Variants in CSNK2A1 observed in about 807,000 individuals in gnomAD.
CSNK2A1 encodes casein kinase 2 alpha 1.
CSNK2A1 carries 10 observed loss-of-function variants against 62.9 expected under a neutral mutation model. That is an observed-to-expected ratio of 0.16 (90% CI 0.10 to 0.27). The LOEUF is 0.27. CSNK2A1 is among the 10% of genes least tolerant of loss of function. CSNK2A1 has a pLI of 1.00. For synonymous variants in CSNK2A1, 124 were observed against 167.8 expected (o/e 0.74, Z 2.02); for missense variants, 160 against 492.0 (o/e 0.33, Z 6.38).
rs2017964595 is a variant in CSNK2A1, at chr20:482,002, C to T, written c.*1959G>A. ...GTCAGAATGTTTTCCCTTCAGCTCT[C>T]CCTACCGTTGAGAAGCGCTATAAAA... is the stretch of plus-strand genomic sequence containing the variant. On this transcript the variant is annotated 3_prime_UTR_variant, in exon 14 of 14. Transcript: ENST00000217244. 6.6e-6 allele frequency: 1 copy of T among 152,164 alleles called. No homozygotes were observed. Among genetic ancestry groups the T allele is most frequent in the Non-Finnish European group, 1.5e-5 (1 of 68,038 alleles). 9.4% of individuals were successfully genotyped at this position (152,164 alleles called of 1,614,324 possible).
At chr20:487,355 G>A (rs1014266028) in intron 12 of CSNK2A1, 72 bp downstream of exon 12, 7 of 1,590,736 alleles carry the variant, frequency 4.4e-6, no homozygotes, top group African/African-American at 1.3e-5. Flanking sequence ...GCTGACAGGA[G>A]CTGGGATTAC....
intron 2 of CSNK2A1, among the ~76,000 whole-genome samples, chr20:520,130 TAAG>T (rs1286479559): frequency 2.0e-5 from 3 of 151,970 alleles, no homozygotes; most frequent in Admixed American, 6.6e-5. Context: ...ATCTAGAACA[TAAG>T]AAGCATAGGG....
intron 2 of CSNK2A1, among the ~76,000 whole-genome samples, chr20:512,279 G>C (rs971210206): frequency 1.3e-5 from 2 of 149,756 alleles, no homozygotes; most frequent in African/African-American, 4.9e-5. Context: ...ATTTTAATTT[G>C]CATTTCCCTA....
intron 2 of CSNK2A1, among the ~76,000 whole-genome samples, chr20:523,692 C>T (rs939318999): frequency 6.6e-6 from 1 of 151,392 alleles, no homozygotes; most frequent in Non-Finnish European, 1.5e-5. Context: ...GAGATCGAGA[C>T]CATCCTGGCT....
At chr20:541,363 A>C (rs747079954) in intron 1 of CSNK2A1, among the ~76,000 whole-genome samples, 1 of 152,216 alleles carries the variant, frequency 6.6e-6, no homozygotes, top group Non-Finnish European at 1.5e-5. Flanking sequence ...AGGGAGATGT[A>C]ATTCTGCCTA....
chr20:517,135 A>G (rs115398303), intron 2 of CSNK2A1, among the ~76,000 whole-genome samples: 1,704 of 152,372 alleles, frequency 0.011, 33 homozygotes, highest in African/African-American at 0.039. Context: ...GAGACCTTAA[A>G]TATGTATACT....
At chr20:529,221 T>C (rs1274732236) in intron 1 of CSNK2A1, among the ~76,000 whole-genome samples, 1 of 149,798 alleles carries the variant, frequency 6.7e-6, no homozygotes, top group Non-Finnish European at 1.5e-5. Context: ...AGAAGGTTTC[T>C]CACTATGTTG....
At chr20:535,615 G>A (rs1471170724) in intron 1 of CSNK2A1, among the ~76,000 whole-genome samples, 1 of 152,058 alleles carries the variant, frequency 6.6e-6, no homozygotes, top group Non-Finnish European at 1.5e-5. Flanking sequence ...AATTAGCCCG[G>A]TGGGGTGGCA....
intron 6 of CSNK2A1, chr20:498,854 C>T (rs1306790345): frequency 3.3e-5 from 5 of 152,636 alleles, no homozygotes; most frequent in African/African-American, 1.2e-4. Context: ...CTATAGCCCA[C>T]AGTTTATGAG....
chr20:528,303 C>A (rs1033594721), intron 1 of CSNK2A1, among the ~76,000 whole-genome samples: 2 of 152,194 alleles, frequency 1.3e-5, no homozygotes, highest in African/African-American at 2.4e-5. Context: ...GATCAATAAC[C>A]AACAGCTAAT....
intron 8 of CSNK2A1, among the ~76,000 whole-genome samples, chr20:493,699 T>C (rs1485978700): frequency 6.6e-6 from 1 of 152,230 alleles, no homozygotes; most frequent in Non-Finnish European, 1.5e-5. Context: ...TGCAATTTCA[T>C]CACATATGTA....
chr20:531,235 T>G (rs950271452), intron 1 of CSNK2A1, among the ~76,000 whole-genome samples: 2 of 152,202 alleles, frequency 1.3e-5, no homozygotes, highest in Non-Finnish European at 2.9e-5. Context: ...GGTAGGTCTG[T>G]CTGTCTGGTA....
chr20:481,791 T>C lies in CSNK2A1; in HGVS notation c.*2170A>G, dbSNP rs1382654247. 1 of 152,180 alleles carries C rather than the reference T, an allele frequency of 6.6e-6. No homozygotes were observed. Among genetic ancestry groups the C allele is most frequent in the African/African-American group, 2.4e-5 (1 of 41,446 alleles). The allele number at this position is 152,180 out of a possible 1,614,324, so 9.4% of individuals were successfully genotyped here. On this transcript the variant is annotated 3_prime_UTR_variant, in exon 14 of 14. Transcript: ENST00000217244. ...AAAGAAAGAACTCATTAGTTATAAG[T>C]GTCCTGTTCAAATCACAATCCAGTG...
rs1197678638 is a variant in CSNK2A1 at position 527,001 on chromosome 20, C to CAGACAGACAGAGAG, written c.-110+931_-110+932insCTCTCTGTCTGTCT. ...AGAGAGAGAAAGAGAGAGAGACAGA[C>CAGACAGACAGAGAG]AGAGAGAGAGAGAGAGAGAGAGAGA... is the stretch of plus-strand genomic sequence containing the variant. On this transcript the variant is annotated intron_variant, in intron 2 of 13. Coordinates refer to ENST00000217244, the MANE Select transcript of CSNK2A1 (RefSeq NM_177559.3). 440 of 97,884 alleles carry CAGACAGACAGAGAG rather than the reference C, an allele frequency of 4.5e-3. 7 individuals carry two copies. The highest frequency in any genetic ancestry group is 0.016 in the African/African-American group (397 of 24,670). 6.1% of individuals were successfully genotyped at this position (97,884 alleles called of 1,614,324 possible). A position where few individuals can be genotyped will look rare whatever the true frequency, so the allele number is the denominator to read the frequency against.
intron 1 of CSNK2A1, among the ~76,000 whole-genome samples, chr20:536,778 GAAAA>G (rs1338294390): frequency 1.3e-5 from 2 of 152,148 alleles, no homozygotes; most frequent in Admixed American, 1.3e-4. Flanking sequence ...CCTGTTATCA[GAAAA>G]CGTCACTCAA....
At chr20:502,464 C>T (rs566079093) in intron 4 of CSNK2A1, 1 of 152,288 alleles carries the variant, frequency 6.6e-6, no homozygotes, top group Admixed American at 6.5e-5. Context: ...ACTTAAAAAG[C>T]TGGTTTGTGA....
Position 508,676 on chromosome 20 carries a change from G to A in CSNK2A1, c.-109-16C>T. On this transcript the variant is annotated splice_polypyrimidine_tract_variant and intron_variant, in intron 2 of 13. Transcript: ENST00000217244. ...TTTCTTCAAACTGCAGAAACAAAAT[G>A]CACAAAGTCCAAGGAATCATTTACA... 1.3e-6 allele frequency: 1 copy of A among 793,166 alleles called. No homozygotes were observed. The highest frequency in any genetic ancestry group is 2.0e-6 in the Non-Finnish European group (1 of 495,132). 49.1% of individuals were successfully genotyped at this position (793,166 alleles called of 1,614,324 possible).
chr20:523,677 G>C (rs1302991288), intron 2 of CSNK2A1, among the ~76,000 whole-genome samples: 2 of 151,492 alleles, frequency 1.3e-5, no homozygotes, highest in East Asian at 3.9e-4. Flanking sequence ...GGATCACAAG[G>C]TCAGGAGATC....
intron 1 of CSNK2A1, among the ~76,000 whole-genome samples, chr20:542,559 A>G (rs1056186620): frequency 2.6e-5 from 4 of 151,964 alleles, no homozygotes; most frequent in African/African-American, 9.7e-5. Context: ...TAGCCTCCCG[A>G]GTAGCTGGGA....
Sources: allele counts gnomAD v4.1 joint callset (sites outside exome capture counted in the v4.1 genomes callset), GRCh38; gene constraint gnomAD v4.1.1; transcripts MANE v1.5; gene names NCBI Gene and HGNC (gene_info 2026-07-23, HGNC 2026-07-21).